The following CPVL variants were observed in gnomAD, a reference collection of about 807,000 sequenced individuals.
CPVL encodes the protein probable serine carboxypeptidase CPVL.
In CPVL, 51 loss-of-function variants were observed where a neutral mutation model predicts 63.7. The observed-to-expected ratio is 0.80, with a 90% confidence interval of 0.64 to 1.01. CPVL has a LOEUF of 1.01. Ranked by LOEUF, CPVL falls within the 50% of genes least tolerant of loss-of-function variation. The pLI, the probability that CPVL is intolerant of heterozygous loss-of-function variation, is 0.00. For synonymous variants in CPVL, 195 were observed against 206.0 expected, an observed-to-expected ratio of 0.95 and a Z score of 0.46; for missense variants, 530 against 573.1, an observed-to-expected ratio of 0.92 and a Z score of 0.77.
At chr7:29,094,573 G>A (rs912549717) in intron 5 of CPVL, among the ~76,000 whole-genome samples, 27 of 152,104 alleles carry the variant, frequency 1.8e-4, no homozygotes, top group Non-Finnish European at 3.7e-4. Context: ...TGGGCCAGGC[G>A]TGGTGGCTCA....
Position 29,064,149 on chromosome 7 carries a change from T to C in CPVL, c.1049A>G (p.Asn350Ser), listed in dbSNP as rs1562749238. ...QAIHVGNQTFNDGTIVEKYLR... is the reference protein window; with the variant it reads ...QAIHVGNQTFSDGTIVEKYLR... The stretch of plus-strand genomic sequence containing the variant: ...GTACTTTTCAACTATAGTTCCATCA[T>C]TAAAAGTCTGATTCCCCACGTGGAT... Residue 350 changes from asparagine to serine, a missense_variant, in exon 11 of 13, where the codon AAT becomes AGT. Asn to Ser is a conservative substitution (Grantham distance 46). Coordinates refer to ENST00000265394, the MANE Select transcript of CPVL (RefSeq NM_031311.5). 5 of 1,613,192 alleles carry C rather than the reference T, an allele frequency of 3.1e-6. No homozygotes were observed. Among genetic ancestry groups the C allele is most frequent in the Middle Eastern group, 1.6e-4 (1 of 6,062 alleles).
rs1450342509 is a variant in CPVL, at chr7:29,054,708, T to C, written c.1137+9353A>G. 3.3e-5 allele frequency among the ~76,000 whole-genome samples: 5 copies of C among 152,364 alleles called. No homozygotes were observed. The South Asian group carries it at 6.2e-4, about 19-fold the overall frequency. ...CCACTGTTTCTTAAAAATGGCTTTTTTTCATTCTTTCTGTTCTTACCCTCT... is the reference window on the plus strand; with the variant it reads ...CCACTGTTTCTTAAAAATGGCTTTTCTTCATTCTTTCTGTTCTTACCCTCT... On this transcript the variant is annotated intron_variant, in intron 11 of 12. Coordinates refer to ENST00000265394, the MANE Select transcript of CPVL (RefSeq NM_031311.5).
intron 5 of CPVL, among the ~76,000 whole-genome samples, chr7:29,162,560 C>G (rs898466049): frequency 7.9e-5 from 12 of 151,056 alleles, no homozygotes; most frequent in Middle Eastern, 3.4e-3. Context: ...ACTTGGGAGG[C>G]TGAGGCAGGA....
chr7:29,072,295 A>G lies in CPVL; in HGVS notation c.732+6T>C, dbSNP rs781601764. 1.2e-6 allele frequency: 2 copies of G among 1,613,916 alleles called. No individual in the cohort carries two copies. The highest frequency in any genetic ancestry group is 4.5e-5 in the East Asian group (2 of 44,866). ...ACAAAATAGAAAGTCAGAAGGAGAA[A>G]CCTACTGATTCGGGATCAGAATATC... On this transcript the variant is annotated splice_donor_region_variant and intron_variant, in intron 8 of 12. Transcript: ENST00000265394.
chr7:29,105,863 A>G (rs567756047), intron 3 of CPVL, among the ~76,000 whole-genome samples: 1 of 152,180 alleles, frequency 6.6e-6, no homozygotes, highest in Non-Finnish European at 1.5e-5. Flanking sequence ...CCACTAAGGA[A>G]CAAGGAAATG....
intron 12 of CPVL, chr7:29,001,456 CTAACTA>C (rs973259446): frequency 6.6e-6 from 1 of 152,104 alleles, no homozygotes; most frequent in African/African-American, 2.4e-5. Flanking sequence ...CTTTCAGACA[CTAACTA>C]TAAGTAGAAA....
At chr7:29,172,804 G>A (rs1796774747) in intron 5 of CPVL, among the ~76,000 whole-genome samples, 1 of 151,738 alleles carries the variant, frequency 6.6e-6, no homozygotes, top group South Asian at 2.1e-4. Flanking sequence ...GTTTCCAGCT[G>A]TATGACTCAC....
At chr7:29,093,865 T>C (rs898867734) in intron 5 of CPVL, among the ~76,000 whole-genome samples, 1 of 152,224 alleles carries the variant, frequency 6.6e-6, no homozygotes, top group African/African-American at 2.4e-5. Context: ...TGTGTTCTTT[T>C]GGACCATCTG....
intron 3 of CPVL, among the ~76,000 whole-genome samples, chr7:29,101,807 T>C (rs967653677): frequency 2.6e-5 from 4 of 152,292 alleles, no homozygotes; most frequent in South Asian, 2.1e-4. Context: ...CATACACATA[T>C]AGACATATCC....
chr7:29,157,459 TAA>T (rs1794558117), intron 5 of CPVL, among the ~76,000 whole-genome samples: 2 of 152,220 alleles, frequency 1.3e-5, no homozygotes, highest in Admixed American at 6.5e-5. Context: ...CTGGAAACTT[TAA>T]AGTTAGCTTC....
At chr7:29,075,744 C>CTT (rs11298240) in intron 7 of CPVL, among the ~76,000 whole-genome samples, 1 of 147,634 alleles carries the variant, frequency 6.8e-6, no homozygotes, top group Admixed American at 6.8e-5. Context: ...ATGATCTTAG[C>CTT]TTTTTTTTTT....
intron 5 of CPVL, among the ~76,000 whole-genome samples, chr7:29,162,244 C>T (rs141853766): frequency 1.4e-4 from 22 of 152,206 alleles, no homozygotes; most frequent in African/African-American, 2.2e-4. Flanking sequence ...AGCCAAAAAC[C>T]GGAAATGACC....
intron 3 of CPVL, among the ~76,000 whole-genome samples, chr7:29,111,668 T>C (rs1028887990): frequency 3.3e-5 from 5 of 152,124 alleles, no homozygotes; most frequent in African/African-American, 7.2e-5. Context: ...ACAGGCTGCT[T>C]TGGGGTGAAC....
intron 2 of CPVL, among the ~76,000 whole-genome samples, chr7:29,117,889 A>G (rs1311819720): frequency 6.6e-6 from 1 of 152,220 alleles, no homozygotes; most frequent in African/African-American, 2.4e-5. Flanking sequence ...TATAATGACT[A>G]AATGTTAGCT....
At chr7:29,187,676 C>T (rs554046534) in intron 1 of CPVL, among the ~76,000 whole-genome samples, 7 of 151,970 alleles carry the variant, frequency 4.6e-5, no homozygotes, top group Admixed American at 1.3e-4. Flanking sequence ...TGCAATGAGC[C>T]GAGATTGCAC....
At chr7:29,125,424 G>C (rs180742069) in intron 1 of CPVL, among the ~76,000 whole-genome samples, 2 of 117,834 alleles carry the variant, frequency 1.7e-5, no homozygotes, top group African/African-American at 3.3e-5. Context: ...ACAGAGTCTC[G>C]CTCTGTCACC....
At chr7:29,164,065 C>T (rs1795560393) in intron 5 of CPVL, among the ~76,000 whole-genome samples, 1 of 152,178 alleles carries the variant, frequency 6.6e-6, no homozygotes, top group African/African-American at 2.4e-5. Context: ...GAATGTTTAA[C>T]TTTTCAAGCT....
chr7:29,109,248 A>G (rs1466226208), intron 3 of CPVL, among the ~76,000 whole-genome samples: 2 of 152,214 alleles, frequency 1.3e-5, no homozygotes, highest in African/African-American at 4.8e-5. Flanking sequence ...TTTATTCTGC[A>G]CTGATTTGTA....
At chr7:29,170,783 G>T (rs1012301904) in intron 5 of CPVL, among the ~76,000 whole-genome samples, 1 of 151,538 alleles carries the variant, frequency 6.6e-6, no homozygotes, top group African/African-American at 2.4e-5. Context: ...TATGGCTGGT[G>T]GGGGGGCCTC....
Sources: gnomAD v4.1 joint callset for allele counts (sites outside exome capture counted in the v4.1 genomes callset) on GRCh38, gnomAD v4.1.1 for gene constraint, MANE v1.5 for transcripts, NCBI Gene and HGNC (gene_info 2026-07-23, HGNC 2026-07-21) for gene names.